The following AGBL1 variants were observed in gnomAD, a reference collection of about 807,000 sequenced individuals.
The protein encoded by AGBL1 is AGBL carboxypeptidase 1.
Under a neutral mutation model 118.9 loss-of-function variants are expected in AGBL1, and 130 were observed. That is an observed-to-expected ratio of 1.09 (90% CI 0.95 to 1.26). AGBL1 has a LOEUF of 1.26. Ranked by LOEUF, AGBL1 falls within the 50% of genes most tolerant of loss-of-function variation. The probability of loss-of-function intolerance (pLI) is 0.00; values close to 1 mark genes in which losing one functional copy is unlikely to be tolerated. For missense variants in AGBL1, 1,584 were observed against 1,298.1 expected, an observed-to-expected ratio of 1.22 and a Z score of -3.38; for synonymous variants, 555 against 478.9, an observed-to-expected ratio of 1.16 and a Z score of -2.08.
At chr15:86,180,772 C>T (rs1290945711) in intron 5 of AGBL1, among the ~76,000 whole-genome samples, 1 of 151,724 alleles carries the variant, frequency 6.6e-6, no homozygotes, top group Non-Finnish European at 1.5e-5. Flanking sequence ...CAATCATGTA[C>T]CTTGTAAAAA....
chr15:86,756,779 A>T lies in AGBL1; in HGVS notation c.3158+82343A>T, dbSNP rs149575374. Among the ~76,000 whole-genome samples the T allele has an allele frequency of 3.9e-5, 6 of 152,164 alleles. No homozygotes were observed. The East Asian group carries it at 1.2e-3, about 30-fold the overall frequency. On this transcript the variant is annotated intron_variant, in intron 22 of 22. Transcript: ENST00000614907. ...AGTCAAAAGTTGTTGAGAGGGAAAAAATAGACAGAGCTTGTCTTATAAATA... is the reference window on the plus strand; with the variant it reads ...AGTCAAAAGTTGTTGAGAGGGAAAATATAGACAGAGCTTGTCTTATAAATA...
At chr15:86,595,321 A>G (rs958653132) in intron 21 of AGBL1, among the ~76,000 whole-genome samples, 3 of 152,152 alleles carry the variant, frequency 2.0e-5, no homozygotes, top group Non-Finnish European at 2.9e-5. Context: ...CATGTTCCAC[A>G]CCAAATGCTT....
chr15:86,183,997 C>T (rs1002066313), intron 5 of AGBL1, among the ~76,000 whole-genome samples: 2 of 152,116 alleles, frequency 1.3e-5, no homozygotes, highest in African/African-American at 2.4e-5. Flanking sequence ...TCTTGGTAGC[C>T]GTGGGTGTTA....
rs771280286 is a variant in AGBL1 at position 86,264,313 on chromosome 15, A to T, written c.1142A>T (p.Asn381Ile). ...AACTCTGAAAAGACTCAGTATGCCA[A>T]TCACCACCACATTCCAGCCGCTGCC... Reference protein sequence around the residue: ...DLNSEKTQYANHHHIPAAASS... With the variant: ...DLNSEKTQYAIHHHIPAAASS... The change falls in exon 11 of 23, where the codon AAT becomes ATT. Residue 381 changes from asparagine (N) to isoleucine (I), a missense_variant. Asn to Ile is a moderately radical substitution (Grantham distance 149). Coordinates refer to ENST00000614907, the MANE Select transcript of AGBL1 (RefSeq NM_001386094.1). 1 of 1,611,072 alleles carries T rather than the reference A, an allele frequency of 6.2e-7. No individual in the cohort carries two copies. The highest frequency in any genetic ancestry group is 1.1e-5 in the South Asian group (1 of 90,308).
chr15:86,767,576 T>C (rs190714006), intron 22 of AGBL1, among the ~76,000 whole-genome samples: 7 of 152,080 alleles, frequency 4.6e-5, no homozygotes, highest in Non-Finnish European at 8.8e-5. Flanking sequence ...GGAAATAATA[T>C]AGCATTTATT....
At chr15:86,117,255 T>C (rs1031482292) in intron 1 of AGBL1, among the ~76,000 whole-genome samples, 8 of 152,178 alleles carry the variant, frequency 5.3e-5, no homozygotes, top group African/African-American at 1.9e-4. Context: ...GAATCCCCGC[T>C]AAAATTGGTC....
intron 23 of AGBL1, among the ~76,000 whole-genome samples, chr15:86,976,895 T>G (rs1347328532): frequency 6.6e-6 from 1 of 152,026 alleles, no homozygotes; most frequent in African/African-American, 2.4e-5. Context: ...TCAAGTTGTT[T>G]GTCTTCTTAG....
intron 22 of AGBL1, among the ~76,000 whole-genome samples, chr15:86,897,312 T>C (rs1000582201): frequency 6.6e-6 from 1 of 152,216 alleles, no homozygotes; most frequent in Non-Finnish European, 1.5e-5. Context: ...ATAAGTAAGA[T>C]TATATGTTGC....
At chr15:86,680,326 A>G (rs1192485412) in intron 22 of AGBL1, among the ~76,000 whole-genome samples, 1 of 151,964 alleles carries the variant, frequency 6.6e-6, no homozygotes, top group Non-Finnish European at 1.5e-5. Context: ...TTTCTTTTTT[A>G]AAATGTAAAT....
intron 22 of AGBL1, among the ~76,000 whole-genome samples, chr15:86,695,999 TG>T (rs1316873286): frequency 2.0e-5 from 3 of 151,950 alleles, no homozygotes; most frequent in Admixed American, 2.0e-4. Context: ...TATTGAGACT[TG>T]TTTTGTGGCC....
chr15:86,552,369 A>G (rs2083676119), intron 20 of AGBL1, among the ~76,000 whole-genome samples: 1 of 152,204 alleles, frequency 6.6e-6, no homozygotes, highest in South Asian at 2.1e-4. Flanking sequence ...AAATGGTTTC[A>G]CTTAAGTAAA....
Position 86,274,184 on chromosome 15 carries a change from A to G in AGBL1, c.2075+2478A>G, listed in dbSNP as rs117709414. ...TAGTTTATATCTACCTAATTGTTAC[A>G]TCTTTATGCTATTTATAGCTTAGGG... is the stretch of plus-strand genomic sequence containing the variant. On this transcript the variant is annotated intron_variant, in intron 15 of 22. Coordinates refer to ENST00000614907, the MANE Select transcript of AGBL1 (RefSeq NM_001386094.1). Among the ~76,000 whole-genome samples the G allele has an allele frequency of 7.9e-3, 1,197 of 152,310 alleles. 42 individuals are homozygous for G. Among genetic ancestry groups the G allele is most frequent in the East Asian group, 0.021 (107 of 5,178 alleles).
At chr15:86,667,061 A>G (rs1472180089) in intron 21 of AGBL1, among the ~76,000 whole-genome samples, 2 of 152,160 alleles carry the variant, frequency 1.3e-5, no homozygotes, top group Non-Finnish European at 1.5e-5. Context: ...TTATCTTGAT[A>G]TGTTAGGTAT....
chr15:86,269,246 A>T (rs2079119460), intron 13 of AGBL1, among the ~76,000 whole-genome samples: 1 of 152,166 alleles, frequency 6.6e-6, no homozygotes, highest in African/African-American at 2.4e-5. Context: ...TGCTAGCCTA[A>T]TTCATGTTTG....
intron 22 of AGBL1, among the ~76,000 whole-genome samples, chr15:86,781,111 T>A (rs8025555): frequency 9.2e-4 from 140 of 152,350 alleles, no homozygotes; most frequent in African/African-American, 3.2e-3. Context: ...TTGTTAATTC[T>A]GTATTATGTT....
At chr15:86,326,815 GA>G (rs2141853751) in intron 17 of AGBL1, among the ~76,000 whole-genome samples, 1 of 152,290 alleles carries the variant, frequency 6.6e-6, no homozygotes, top group East Asian at 1.9e-4. Flanking sequence ...AACAACTGAT[GA>G]AGTATCTGAA....
intron 22 of AGBL1, among the ~76,000 whole-genome samples, chr15:86,760,356 G>A (rs1037333068): frequency 6.6e-6 from 1 of 152,024 alleles, no homozygotes; most frequent in African/African-American, 2.4e-5. Context: ...ATCATCACTT[G>A]TAGGAAATCA....
chr15:86,468,532 G>C (rs1162007334), intron 18 of AGBL1, among the ~76,000 whole-genome samples: 1 of 152,178 alleles, frequency 6.6e-6, no homozygotes, highest in Non-Finnish European at 1.5e-5. Flanking sequence ...GTTATGGACA[G>C]ACATTGCCGT....
chr15:86,732,518 G>A (rs978739847), intron 22 of AGBL1, among the ~76,000 whole-genome samples: 3 of 152,240 alleles, frequency 2.0e-5, no homozygotes, highest in Non-Finnish European at 4.4e-5. Flanking sequence ...TTTGGTTTTA[G>A]TTCCTTGTAG....
Sources: gnomAD v4.1 joint callset for allele counts (sites outside exome capture counted in the v4.1 genomes callset) on GRCh38, gnomAD v4.1.1 for gene constraint, MANE v1.5 for transcripts, NCBI Gene and HGNC (gene_info 2026-07-23, HGNC 2026-07-21) for gene names.